Variants in RNF135 observed in about 807,000 individuals in gnomAD.
RNF135 encodes the protein ring finger protein 135.
In RNF135, 46 loss-of-function variants were observed where a neutral mutation model predicts 41.9. That is an observed-to-expected ratio of 1.10 (90% CI 0.87 to 1.40). RNF135 has a LOEUF of 1.40. RNF135 is among the 40% of genes most tolerant of loss of function. The pLI is 0.00. For missense variants in RNF135, 539 were observed against 549.8 expected (o/e 0.98, Z 0.20); for synonymous variants, 238 against 223.8 (o/e 1.06, Z -0.57).
upstream of RNF135, among the ~76,000 whole-genome samples, chr17:30,966,065 C>T (rs2142635882): frequency 6.6e-6 from 1 of 152,278 alleles, no homozygotes; most frequent in Non-Finnish European, 1.5e-5. Context: ...AATTCAGGCC[C>T]CTCCCATAAA....
intron 1 of RNF135, among the ~76,000 whole-genome samples, chr17:30,977,585 G>A (rs1906576622): frequency 6.6e-6 from 1 of 152,086 alleles, no homozygotes; most frequent in Admixed American, 6.6e-5. Context: ...TGTTGTCCAG[G>A]CTGGTCTTGA....
intron 1 of RNF135, chr17:30,980,322 G>T (rs1481129332): frequency 7.0e-6 from 1 of 143,050 alleles, no homozygotes; most frequent in Non-Finnish European, 1.5e-5. Flanking sequence ...CGGGGCGGCC[G>T]GCCGGGCGGG....
Position 30,998,782 on chromosome 17 carries a change from T to C in RNF135, c.890T>C (p.Phe297Ser), listed in dbSNP as rs996303034. 1 of 1,613,384 alleles carries C rather than the reference T, an allele frequency of 6.2e-7. No homozygotes were observed. The highest frequency in any genetic ancestry group is 1.3e-5 in the African/African-American group (1 of 74,986). ...CCCTATCGCTGGAGCTGTGAGAGGT[T>C]TTCTACCAGCCAGGTCTTATGTTCC... ...PQPYRWSCER[F>S]STSQVLCSQA... The change falls in exon 5 of 5, where the codon TTT (phenylalanine) becomes TCT (serine). Residue 297 changes from phenylalanine to serine, a missense_variant. Physicochemically the swap from Phe to Ser is radical, Grantham distance 155 (BLOSUM62 -2). This residue lies in a region of RNF135 where 262 missense variants were observed against 336.9 expected (regional missense o/e 0.78). Transcript: ENST00000328381.
intron 3 of RNF135, among the ~76,000 whole-genome samples, chr17:30,989,828 T>A (rs890092541): frequency 2.0e-5 from 3 of 151,290 alleles, no homozygotes; most frequent in Non-Finnish European, 4.4e-5. Flanking sequence ...GGCGAAACCC[T>A]GTCTCTATTA....
At chr17:30,997,130 G>A in intron 3 of RNF135, 112 bp from the exon 4 acceptor site, 1 of 815,972 alleles carries the variant, frequency 1.2e-6, no homozygotes, top group Non-Finnish European at 2.1e-6. Flanking sequence ...ACTGAAAAAT[G>A]TGTAGATGAT....
intron 2 of RNF135, among the ~76,000 whole-genome samples, chr17:30,986,504 G>A (rs1300676202): frequency 6.6e-6 from 1 of 152,118 alleles, no homozygotes; most frequent in African/African-American, 2.4e-5. Context: ...TGATGCTTTT[G>A]TTCTTTTGTC....
intron 3 of RNF135, 80 bp downstream of exon 3, chr17:30,988,186 C>A: frequency 1.5e-6 from 2 of 1,367,150 alleles, no homozygotes; most frequent in East Asian, 2.4e-5. Flanking sequence ...GCTTTGTTCT[C>A]TGGGGATAGG....
At position 30,988,416 on chromosome 17, in the gene RNF135, A is replaced by ATTTTTTT. The variant is rs56955275; in HGVS notation, c.679+333_679+339dup. On this transcript the variant is annotated intron_variant, in intron 3 of 4. Transcript: ENST00000328381. ...GAGATTCTGAAATAGGCCACTTTTAATTTTTTTTTTTTTTTTTTTTTTTTT... is the reference window on the plus strand; with the variant it reads ...GAGATTCTGAAATAGGCCACTTTTAATTTTTTTTTTTTTTTTTTTTTTTTTTTTTTTT... Among the ~76,000 whole-genome samples the ATTTTTTT allele has an allele frequency of 2.5e-3, 201 of 81,924 alleles. 1 individual carries two copies. The highest frequency in any genetic ancestry group is 3.3e-3 in the Non-Finnish European group (135 of 41,402). The allele number at this position is 81,924 out of a possible 152,430, so 53.7% of individuals were successfully genotyped here.
the RNF135 span, among the ~76,000 whole-genome samples, chr17:30,964,551 G>A: frequency 6.6e-6 from 1 of 151,856 alleles, no homozygotes; most frequent in Non-Finnish European, 1.5e-5. Context: ...TTGCAGTGAG[G>A]CAAGATTGCG....
intron 1 of RNF135, among the ~76,000 whole-genome samples, chr17:30,979,612 G>A (rs1430279702): frequency 3.4e-4 from 41 of 122,112 alleles, no homozygotes; most frequent in Middle Eastern, 6.8e-3. Flanking sequence ...GGGCGGCCGG[G>A]CAGAGGCGCC....
the RNF135 span, among the ~76,000 whole-genome samples, chr17:30,960,586 C>T: frequency 6.6e-6 from 1 of 151,918 alleles, no homozygotes; most frequent in Non-Finnish European, 1.5e-5. Context: ...TGTCACACCC[C>T]AAAACTCCCT....
rs770355083 is a variant in RNF135 at position 30,984,606 on chromosome 17, C to G, written c.373-11C>G. 2 of 1,614,114 alleles carry G rather than the reference C, an allele frequency of 1.2e-6. No individual in the cohort carries two copies. On this transcript the variant is annotated splice_polypyrimidine_tract_variant and intron_variant, in intron 1 of 4. Transcript: ENST00000328381. ...TATAGAACCCAGGACCTGAACTTTG[C>G]TATTTTGAAGGTGGCAGTAGAGAAG...
intron 3 of RNF135, among the ~76,000 whole-genome samples, chr17:30,995,808 C>T (rs1197899003): frequency 6.6e-6 from 1 of 150,768 alleles, no homozygotes; most frequent in Non-Finnish European, 1.5e-5. Flanking sequence ...GGCTGGAGTG[C>T]AGTGGTGCGA....
intron 4 of RNF135, among the ~76,000 whole-genome samples, chr17:30,998,261 G>A (rs1423926363): frequency 6.6e-6 from 1 of 152,204 alleles, no homozygotes; most frequent in East Asian, 1.9e-4. Flanking sequence ...TGTATAGTCT[G>A]GGTGCAGTGG....
intron 3 of RNF135, among the ~76,000 whole-genome samples, chr17:30,992,578 T>G (rs947675383): frequency 6.6e-6 from 1 of 151,824 alleles, no homozygotes; most frequent in Non-Finnish European, 1.5e-5. Context: ...TGATCCTCCC[T>G]CCTTAGCCTC....
At chr17:30,977,545 T>C (rs1389103110) in intron 1 of RNF135, among the ~76,000 whole-genome samples, 3 of 152,142 alleles carry the variant, frequency 2.0e-5, no homozygotes, top group African/African-American at 7.2e-5. Flanking sequence ...AGCTAATTTT[T>C]GTATTTTTAG....
At chr17:30,978,169 A>T (rs1180666491) in intron 1 of RNF135, among the ~76,000 whole-genome samples, 2 of 151,870 alleles carry the variant, frequency 1.3e-5, no homozygotes, top group Non-Finnish European at 2.9e-5. Context: ...CCTTTCTTTA[A>T]CCTTAACCTT....
intron 1 of RNF135, among the ~76,000 whole-genome samples, chr17:30,981,893 C>T (rs1018737990): frequency 6.6e-6 from 1 of 152,218 alleles, no homozygotes; most frequent in Non-Finnish European, 1.5e-5. Flanking sequence ...CATACGTTCT[C>T]CAAAACAGTC....
chr17:30,987,260 G>A (rs933840623), intron 2 of RNF135, among the ~76,000 whole-genome samples: 1 of 150,636 alleles, frequency 6.6e-6, no homozygotes, highest in African/African-American at 2.4e-5. Context: ...ATGGAGTCTT[G>A]CTCTGTCGCC....
Sources: allele counts gnomAD v4.1 joint callset (sites outside exome capture counted in the v4.1 genomes callset), GRCh38; gene constraint gnomAD v4.1.1; regional missense constraint gnomAD v4.1.1; transcripts MANE v1.5; gene names NCBI Gene and HGNC (gene_info 2026-07-23, HGNC 2026-07-21).